The following B4GALNT2 variants were observed in gnomAD, a reference collection of about 807,000 sequenced individuals.
B4GALNT2 encodes the protein N-acetylneuraminylgalactosylglucosyl-glucoside beta-1,4-N- acetylgalactosaminyltransferase 2.
B4GALNT2 carries 42 observed loss-of-function variants against 51.1 expected under a neutral mutation model. That is an observed-to-expected ratio of 0.82 (90% CI 0.64 to 1.06). The LOEUF is 1.06. Ranked by LOEUF, B4GALNT2 falls within the 50% of genes least tolerant of loss-of-function variation. The pLI, the probability that B4GALNT2 is intolerant of heterozygous loss-of-function variation, is 0.00. For synonymous variants in B4GALNT2, 253 were observed against 251.7 expected (o/e 1.01, Z -0.05); for missense variants, 602 against 633.6 (o/e 0.95, Z 0.54).
the B4GALNT2 span, among the ~76,000 whole-genome samples, chr17:49,121,545 C>T: frequency 1.4e-4 from 21 of 152,244 alleles, no homozygotes; most frequent in East Asian, 2.1e-3. Context: ...CCTTTGGCCC[C>T]GCAAGACCAG....
chr17:49,121,271 C>T, the B4GALNT2 span, among the ~76,000 whole-genome samples: 1 of 152,178 alleles, frequency 6.6e-6, no homozygotes, highest in Non-Finnish European at 1.5e-5. Context: ...CAAGCAGTTG[C>T]TAACTGGCAT....
intron 4 of B4GALNT2, among the ~76,000 whole-genome samples, chr17:49,155,698 A>T (rs2042802822): frequency 6.7e-6 from 1 of 149,288 alleles, no homozygotes; most frequent in South Asian, 2.1e-4. Context: ...ATAATATTTA[A>T]ACATAAAATC....
upstream of B4GALNT2, among the ~76,000 whole-genome samples, chr17:49,128,256 G>A (rs548566034): frequency 6.6e-6 from 1 of 152,294 alleles, no homozygotes; most frequent in Non-Finnish European, 1.5e-5. Flanking sequence ...TTTCCAGAGA[G>A]GGAGAATGGC....
intron 1 of B4GALNT2, among the ~76,000 whole-genome samples, chr17:49,135,246 G>T (rs1304224588): frequency 6.6e-6 from 1 of 152,012 alleles, no homozygotes; most frequent in African/African-American, 2.4e-5. Flanking sequence ...GCTTCGGTTT[G>T]TTCCATTCAC....
At chr17:49,145,253 T>C (rs1235931580) in intron 3 of B4GALNT2, among the ~76,000 whole-genome samples, 1 of 152,210 alleles carries the variant, frequency 6.6e-6, no homozygotes, top group Non-Finnish European at 1.5e-5. Context: ...ATAATAAGGT[T>C]ATAATTATGC....
chr17:49,161,793 G>A (rs2042867331), intron 7 of B4GALNT2, among the ~76,000 whole-genome samples: 1 of 150,828 alleles, frequency 6.6e-6, no homozygotes, highest in African/African-American at 2.4e-5. Context: ...GAAGGCGGAG[G>A]TTGCAGTGAG....
At chr17:49,137,050 T>C (rs1274174019) in intron 1 of B4GALNT2, among the ~76,000 whole-genome samples, 1 of 151,370 alleles carries the variant, frequency 6.6e-6, no homozygotes, top group African/African-American at 2.5e-5. Flanking sequence ...GCTCAGTTCA[T>C]TACCAGAAAC....
rs2042971075 is a variant in B4GALNT2 at position 49,173,687 on chromosome 17, C to T, written c.*3959C>T. On this transcript the variant is annotated 3_prime_UTR_variant, in exon 11 of 11. Transcript: ENST00000393354. ...TGTAATTTAACAATCTGAGTTCTCC[C>T]ATTTCCTATCATAGTAGCGATTTGA... 6.6e-6 allele frequency: 1 copy of T among 152,084 alleles called. No individual in the cohort carries two copies. Among genetic ancestry groups the T allele is most frequent in the African/African-American group, 2.4e-5 (1 of 41,420 alleles). The allele number at this position is 152,084 out of a possible 1,614,324, so 9.4% of individuals were successfully genotyped here.
intron 6 of B4GALNT2, among the ~76,000 whole-genome samples, chr17:49,160,009 G>A (rs1201528035): frequency 6.6e-6 from 1 of 151,214 alleles, no homozygotes. Flanking sequence ...CCACTCTCAG[G>A]GCAGCCTGAG....
chr17:49,138,352 C>G (rs1185423319), intron 1 of B4GALNT2, among the ~76,000 whole-genome samples: 6 of 152,182 alleles, frequency 3.9e-5, no homozygotes, highest in Admixed American at 3.9e-4. Flanking sequence ...ATAAGTCCCA[C>G]ATGTTTCTTC....
chr17:49,123,601 T>C, the B4GALNT2 span, among the ~76,000 whole-genome samples: 7 of 152,226 alleles, frequency 4.6e-5, no homozygotes, highest in Non-Finnish European at 1.0e-4. Context: ...ATTTGTTACA[T>C]AGGCCTTTTA....
At position 49,170,930 on chromosome 17, in the gene B4GALNT2, C is replaced by T. The variant is rs1225782869; in HGVS notation, c.*1202C>T. 3 of 153,194 alleles carry T rather than the reference C, an allele frequency of 2.0e-5. No homozygotes were observed. The highest frequency in any genetic ancestry group is 4.8e-5 in the African/African-American group (2 of 41,592). 9.5% of individuals were successfully genotyped at this position (153,194 alleles called of 1,614,324 possible). ...CTAGTTATCTGCAGCAGGAACATGT[C>T]CTTAAAGCACAGATAGCTCATACTA... On this transcript the variant is annotated 3_prime_UTR_variant, in exon 11 of 11. Coordinates refer to ENST00000393354, the MANE Select transcript of B4GALNT2 (RefSeq NM_001159387.2).
the B4GALNT2 span, among the ~76,000 whole-genome samples, chr17:49,122,214 T>C: frequency 6.6e-6 from 1 of 152,244 alleles, no homozygotes; most frequent in Non-Finnish European, 1.5e-5. Flanking sequence ...GCCATTAGGC[T>C]GATGCCCTTT....
intron 7 of B4GALNT2, among the ~76,000 whole-genome samples, chr17:49,161,848 C>T (rs879533272): frequency 4.0e-5 from 6 of 151,338 alleles, no homozygotes; most frequent in African/African-American, 9.7e-5. Context: ...CAGGGCAAGA[C>T]TCCGTCTCAA....
intron 3 of B4GALNT2, among the ~76,000 whole-genome samples, chr17:49,147,696 C>G (rs1271741359): frequency 6.6e-6 from 1 of 151,942 alleles, no homozygotes; most frequent in Admixed American, 6.6e-5. Flanking sequence ...CATTTTAACC[C>G]ACTCCCCTGA....
upstream of B4GALNT2, chr17:49,132,601 A>G (rs2042549115): frequency 4.0e-6 from 2 of 501,312 alleles, no homozygotes; most frequent in Middle Eastern, 5.5e-4. Context: ...GCAGCGGAGG[A>G]GAAAAGTCCA....
chr17:49,172,200 G>T lies in B4GALNT2; in HGVS notation c.*2472G>T. The T allele has an allele frequency of 4.1e-6, 1 of 243,618 alleles. No homozygotes were observed. The highest frequency in any genetic ancestry group is 1.5e-4 in the South Asian group (1 of 6,500). The allele number at this position is 243,618 out of a possible 1,614,324, so 15.1% of individuals were successfully genotyped here. On this transcript the variant is annotated 3_prime_UTR_variant, in exon 11 of 11. Transcript: ENST00000393354. The stretch of plus-strand genomic sequence containing the variant: ...CGACAGCTGTTGCTCATGATAGTTG[G>T]GGTCCTCCTCAGCATCAGTCTTGAC...
At chr17:49,144,287 G>C (rs1444145686) in intron 3 of B4GALNT2, among the ~76,000 whole-genome samples, 1 of 152,168 alleles carries the variant, frequency 6.6e-6, no homozygotes, top group Non-Finnish European at 1.5e-5. Context: ...TCTAACACAT[G>C]AAATTTGGGG....
chr17:49,166,501 C>A (rs986954645), intron 9 of B4GALNT2, among the ~76,000 whole-genome samples: 3 of 152,066 alleles, frequency 2.0e-5, no homozygotes, highest in Non-Finnish European at 4.4e-5. Context: ...CAATTGTTTT[C>A]TTTTAAAATT....
Sources: gnomAD v4.1 joint callset for allele counts (sites outside exome capture counted in the v4.1 genomes callset) on GRCh38, gnomAD v4.1.1 for gene constraint, MANE v1.5 for transcripts, NCBI Gene and HGNC (gene_info 2026-07-23, HGNC 2026-07-21) for gene names.